UTRN: variants seen among roughly 807,000 people sequenced by gnomAD.
UTRN encodes utrophin, also known as dystrophin-related protein 1.
In UTRN, 283 loss-of-function variants were observed where a neutral mutation model predicts 463.9. The ratio of observed to expected loss-of-function variants is 0.61; its 90% CI spans 0.55 to 0.67. UTRN has a LOEUF of 0.67. Among genes scored for constraint, UTRN ranks in the 30% least tolerant of loss-of-function variants. UTRN has a pLI of 0.00. For synonymous variants in UTRN, 1,442 were observed against 1,431.5 expected, an observed-to-expected ratio of 1.01 and a Z score of -0.17; for missense variants, 3,922 against 4,084.3, an observed-to-expected ratio of 0.96 and a Z score of 1.08.
intron 59 of UTRN, 43 bp from the exon 60 acceptor site, chr6:144,774,247 C>A: frequency 1.3e-6 from 2 of 1,515,306 alleles, no homozygotes; most frequent in South Asian, 1.2e-5. Flanking sequence ...AATATATATT[C>A]AATAATAAGC....
intron 62 of UTRN, among the ~76,000 whole-genome samples, chr6:144,792,921 T>A (rs1776883675): frequency 6.6e-6 from 1 of 152,098 alleles, no homozygotes; most frequent in Non-Finnish European, 1.5e-5. Flanking sequence ...TTTACTGAAT[T>A]AAGAAAATTA....
chr6:144,605,677 A>ATTTT lies in UTRN; in HGVS notation c.7479+28401_7479+28404dup, dbSNP rs11370145. Among the ~76,000 whole-genome samples, 713 of 139,722 alleles carry ATTTT rather than the reference A, an allele frequency of 5.1e-3. 4 individuals are homozygous for ATTTT. The highest frequency in any genetic ancestry group is 7.6e-3 in the Non-Finnish European group (491 of 64,432). The allele number at this position is 139,722 out of a possible 152,430, so 91.7% of individuals were successfully genotyped here. On this transcript the variant is annotated intron_variant, in intron 51 of 74. Coordinates refer to ENST00000367545, the MANE Select transcript of UTRN (RefSeq NM_007124.3). The stretch of plus-strand genomic sequence containing the variant: ...ATCTGTTAACTTCAGTGTGGGTGCC[A>ATTTT]TTTTTTTTTTTTTTTGGTATTTCAT...
intron 39 of UTRN, 144 bp downstream of exon 39, chr6:144,517,092 G>A: frequency 1.4e-6 from 1 of 693,994 alleles, no homozygotes; most frequent in Admixed American, 4.2e-5. Flanking sequence ...TACTAGATGT[G>A]TTCATATTTT....
intron 45 of UTRN, among the ~76,000 whole-genome samples, chr6:144,542,567 A>C (rs1011029075): frequency 1.3e-5 from 2 of 152,184 alleles, no homozygotes; most frequent in Non-Finnish European, 2.9e-5. Context: ...TAACTGGTGC[A>C]CAGGGGTCAG....
intron 60 of UTRN, among the ~76,000 whole-genome samples, chr6:144,780,965 G>A (rs562067724): frequency 1.3e-5 from 2 of 152,166 alleles, no homozygotes; most frequent in Non-Finnish European, 2.9e-5. Flanking sequence ...GCCTTTTCCA[G>A]TTGTCTTTCC....
chr6:144,517,983 T>A (rs893720678), intron 39 of UTRN, among the ~76,000 whole-genome samples: 1 of 152,220 alleles, frequency 6.6e-6, no homozygotes, highest in African/African-American at 2.4e-5. Flanking sequence ...TCCTCACATA[T>A]CTTCTCACAT....
At position 144,798,009 on chromosome 6, in the gene UTRN, G is replaced by A. The variant is rs775375190; in HGVS notation, c.9245+19G>A. On this transcript the variant is annotated intron_variant, in intron 64 of 74. Coordinates refer to ENST00000367545, the MANE Select transcript of UTRN (RefSeq NM_007124.3). ...GGTTCAGGTAAGGCGTGCCAGTGCT[G>A]GAGGAGGCTATTTTCTGTTTCCTTT... 5 of 1,613,586 alleles carry A rather than the reference G, an allele frequency of 3.1e-6. No individual in the cohort carries two copies. The East Asian group carries it at 1.1e-4, about 36-fold the overall frequency.
intron 69 of UTRN, among the ~76,000 whole-genome samples, chr6:144,832,269 A>G (rs908185012): frequency 1.3e-5 from 2 of 152,328 alleles, no homozygotes; most frequent in Middle Eastern, 3.4e-3. Context: ...AACACTTAAG[A>G]CTAAAATTGT....
At chr6:144,349,678 T>C (rs1777941434) in intron 2 of UTRN, among the ~76,000 whole-genome samples, 2 of 152,144 alleles carry the variant, frequency 1.3e-5, no homozygotes, top group African/African-American at 4.8e-5. Flanking sequence ...CACTCCATCA[T>C]GTTTTTGATA....
At chr6:144,839,081 C>A (rs181331517) in intron 71 of UTRN, 92 bp from the exon 72 acceptor site, 1 of 914,082 alleles carries the variant, frequency 1.1e-6, no homozygotes, top group Non-Finnish European at 1.7e-6. Flanking sequence ...ATTTAATTAT[C>A]CATGGTGAGG....
chr6:144,542,896 G>GT lies in UTRN; in HGVS notation c.6595+32dup, dbSNP rs776855130. On this transcript the variant is annotated intron_variant, in intron 46 of 74. Transcript: ENST00000367545. ...GTAAGATATGTTTATCTTTAACAAA[G>GT]TTTTTTAAAAAATCAGTATGTAAAA... The GT allele has an allele frequency of 5.0e-6, 8 of 1,584,964 alleles. No homozygotes were observed. In the African/African-American group the frequency reaches 8.1e-5, roughly 16 times the overall value.
intron 61 of UTRN, among the ~76,000 whole-genome samples, chr6:144,782,729 ACT>A (rs1181644252): frequency 6.6e-6 from 1 of 151,966 alleles, no homozygotes; most frequent in African/African-American, 2.4e-5. Flanking sequence ...CATAAAGCAC[ACT>A]CTCAACTCCC....
At chr6:144,635,563 G>T in intron 51 of UTRN, among the ~76,000 whole-genome samples, 1 of 97,394 alleles carries the variant, frequency 1.0e-5, no homozygotes, top group Non-Finnish European at 2.0e-5. Flanking sequence ...TTTTTGAGAG[G>T]GAGTCTTACT....
intron 65 of UTRN, among the ~76,000 whole-genome samples, chr6:144,818,204 T>C (rs1779252163): frequency 6.6e-6 from 1 of 152,218 alleles, no homozygotes; most frequent in African/African-American, 2.4e-5. Context: ...AATTTGTTTA[T>C]ATGAAATGTC....
At chr6:144,779,791 G>T (rs938325814) in intron 60 of UTRN, among the ~76,000 whole-genome samples, 1 of 152,032 alleles carries the variant, frequency 6.6e-6, no homozygotes, top group Non-Finnish European at 1.5e-5. Flanking sequence ...GAAAATTCCA[G>T]ATGGTTCTTA....
intron 53 of UTRN, among the ~76,000 whole-genome samples, chr6:144,714,041 G>A (rs1786089756): frequency 1.3e-5 from 2 of 151,484 alleles, no homozygotes; most frequent in African/African-American, 4.9e-5. Flanking sequence ...TATTTTTTAT[G>A]TCACTGGGGT....
At chr6:144,359,250 G>A (rs1778829864) in intron 2 of UTRN, among the ~76,000 whole-genome samples, 1 of 152,190 alleles carries the variant, frequency 6.6e-6, no homozygotes. Context: ...AGCATACCTG[G>A]CCGCTTTTCC....
chr6:144,586,131 A>G (rs1194644804), intron 51 of UTRN, among the ~76,000 whole-genome samples: 1 of 151,878 alleles, frequency 6.6e-6, no homozygotes, highest in Non-Finnish European at 1.5e-5. Context: ...TTGTCAGAAG[A>G]TAGTGTGTGT....
chr6:144,663,309 T>C (rs58950367), intron 51 of UTRN, among the ~76,000 whole-genome samples: 2,607 of 152,090 alleles, frequency 0.017, 89 homozygotes, highest in African/African-American at 0.06. Flanking sequence ...GGCTCAAGGG[T>C]GACTATGGGA....
Sources: gnomAD v4.1 joint callset for allele counts (sites outside exome capture counted in the v4.1 genomes callset) on GRCh38, gnomAD v4.1.1 for gene constraint, MANE v1.5 for transcripts, NCBI Gene and HGNC (gene_info 2026-07-23, HGNC 2026-07-21) for gene names.